The following CNTN5 variants were observed in gnomAD, a reference collection of about 807,000 sequenced individuals.
CNTN5 encodes the protein contactin 5.
Under a neutral mutation model 129.1 loss-of-function variants are expected in CNTN5, and 77 were observed. The ratio of observed to expected loss-of-function variants is 0.60; its 90% CI spans 0.50 to 0.72. The LOEUF (loss-of-function observed/expected upper bound fraction) is 0.72. CNTN5 is among the 30% of genes least tolerant of loss of function. The probability of loss-of-function intolerance (pLI) is 0.00; values close to 1 mark genes in which losing one functional copy is unlikely to be tolerated. For synonymous variants in CNTN5, 509 were observed against 465.6 expected (o/e 1.09, Z -1.20); for missense variants, 1,478 against 1,328.8 (o/e 1.11, Z -1.75).
chr11:100,123,491 A>C (rs993393846), intron 13 of CNTN5, among the ~76,000 whole-genome samples: 1 of 152,000 alleles, frequency 6.6e-6, no homozygotes, highest in Non-Finnish European at 1.5e-5. Context: ...CATTTAACTG[A>C]TTACAATGCC....
chr11:99,798,398 G>T (rs946114173), intron 3 of CNTN5, among the ~76,000 whole-genome samples: 3 of 152,078 alleles, frequency 2.0e-5, no homozygotes, highest in Non-Finnish European at 4.4e-5. Context: ...TTGTAATTTG[G>T]TGTTTTGCAT....
intron 7 of CNTN5, among the ~76,000 whole-genome samples, chr11:99,945,785 CTCA>C (rs1412376412): frequency 2.0e-5 from 3 of 151,998 alleles, no homozygotes; most frequent in Non-Finnish European, 4.4e-5. Flanking sequence ...ACCTTACACG[CTCA>C]TCGAGTTGAG....
chr11:99,349,308 A>G (rs1453519902), intron 2 of CNTN5, among the ~76,000 whole-genome samples: 3 of 152,194 alleles, frequency 2.0e-5, no homozygotes, highest in African/African-American at 7.2e-5. Flanking sequence ...GTCATGCTAT[A>G]AATTTTTTTC....
intron 13 of CNTN5, among the ~76,000 whole-genome samples, chr11:100,087,557 AG>A (rs1944602043): frequency 6.6e-6 from 1 of 152,094 alleles, no homozygotes; most frequent in South Asian, 2.1e-4. Context: ...ATAATGATAA[AG>A]GGTTCAATTC....
intron 6 of CNTN5, among the ~76,000 whole-genome samples, chr11:99,858,127 T>C (rs1948096945): frequency 6.6e-6 from 1 of 152,160 alleles, no homozygotes; most frequent in African/African-American, 2.4e-5. Context: ...AAAGTGTTTA[T>C]GTCACGCCTC....
intron 2 of CNTN5, among the ~76,000 whole-genome samples, chr11:99,340,418 G>C (rs1866457695): frequency 6.6e-6 from 1 of 152,112 alleles, no homozygotes; most frequent in Non-Finnish European, 1.5e-5. Flanking sequence ...ATAGATTACA[G>C]AGATGTGGAT....
At chr11:99,532,977 C>G (rs772276617) in intron 2 of CNTN5, among the ~76,000 whole-genome samples, 1 of 152,194 alleles carries the variant, frequency 6.6e-6, no homozygotes, top group Admixed American at 6.5e-5. Flanking sequence ...AATCCCAGCA[C>G]TTTGGGAGGC....
At chr11:99,162,586 C>T (rs1271019071) in intron 1 of CNTN5, among the ~76,000 whole-genome samples, 1 of 152,058 alleles carries the variant, frequency 6.6e-6, no homozygotes, top group Non-Finnish European at 1.5e-5. Context: ...TTTCTCAGTA[C>T]AATATTTTCT....
chr11:100,203,376 A>G (rs1242924923), intron 15 of CNTN5, among the ~76,000 whole-genome samples: 4 of 152,054 alleles, frequency 2.6e-5, no homozygotes, highest in Non-Finnish European at 5.9e-5. Flanking sequence ...TGCTTTAACA[A>G]CTGAAGTGGA....
intron 3 of CNTN5, among the ~76,000 whole-genome samples, chr11:99,776,598 C>T (rs1945133654): frequency 6.6e-6 from 1 of 150,958 alleles, no homozygotes; most frequent in South Asian, 2.1e-4. Context: ...TCTCTGTGGC[C>T]CCATCTTTGT....
intron 2 of CNTN5, among the ~76,000 whole-genome samples, chr11:99,385,569 T>A (rs1233060541): frequency 6.6e-6 from 1 of 152,336 alleles, no homozygotes; most frequent in African/African-American, 2.4e-5. Flanking sequence ...ATCAATAAAG[T>A]ATGACATAGT....
At chr11:100,339,386 C>T (rs1212358455) in intron 21 of CNTN5, among the ~76,000 whole-genome samples, 3 of 152,056 alleles carry the variant, frequency 2.0e-5, no homozygotes, top group Non-Finnish European at 2.9e-5. Context: ...ATGGGAAGGG[C>T]AGGTTGCCTT....
chr11:100,278,993 T>C (rs769574811), intron 18 of CNTN5, among the ~76,000 whole-genome samples: 3 of 151,966 alleles, frequency 2.0e-5, no homozygotes, highest in Non-Finnish European at 4.4e-5. Context: ...ACCCAGTTTG[T>C]TGAGAATTTT....
intron 9 of CNTN5, among the ~76,000 whole-genome samples, chr11:100,003,585 G>GA (rs200550490): frequency 6.6e-6 from 1 of 152,046 alleles, no homozygotes; most frequent in African/African-American, 2.4e-5. Context: ...AGACTTATAG[G>GA]AAAAAACCAA....
At chr11:99,714,991 C>G (rs1955159545) in intron 3 of CNTN5, among the ~76,000 whole-genome samples, 1 of 151,892 alleles carries the variant, frequency 6.6e-6, no homozygotes, top group Admixed American at 6.6e-5. Context: ...ATTAATTACT[C>G]TTTTTATGCC....
At chr11:99,776,995 C>G (rs1039312948) in intron 3 of CNTN5, among the ~76,000 whole-genome samples, 2 of 151,838 alleles carry the variant, frequency 1.3e-5, no homozygotes, top group Admixed American at 1.3e-4. Flanking sequence ...TCATTTCTAA[C>G]CAAAATGTTA....
chr11:100,160,935 C>G (rs1947425841), intron 13 of CNTN5, among the ~76,000 whole-genome samples: 1 of 151,822 alleles, frequency 6.6e-6, no homozygotes, highest in Non-Finnish European at 1.5e-5. Context: ...ATAACTAGAT[C>G]TGGATATACC....
intron 2 of CNTN5, among the ~76,000 whole-genome samples, chr11:99,388,299 C>A (rs1385387119): frequency 6.6e-6 from 1 of 151,000 alleles, no homozygotes; most frequent in Non-Finnish European, 1.5e-5. Context: ...CCTGTAATCC[C>A]AGCTACTTGG....
intron 9 of CNTN5, among the ~76,000 whole-genome samples, chr11:100,009,450 G>A (rs1247116412): frequency 5.9e-5 from 7 of 117,828 alleles, no homozygotes; most frequent in Non-Finnish European, 1.0e-4. Context: ...ACAGCAAAGT[G>A]TAAAAAAAAA....
Sources: gnomAD v4.1 joint callset for allele counts (sites outside exome capture counted in the v4.1 genomes callset) on GRCh38, gnomAD v4.1.1 for gene constraint, MANE v1.5 for transcripts, NCBI Gene and HGNC (gene_info 2026-07-23, HGNC 2026-07-21) for gene names.